CLTRN: variants seen among roughly 807,000 people sequenced by gnomAD.
CLTRN encodes the protein collectrin, amino acid transport regulator.
CLTRN carries 12 observed loss-of-function variants against 14.5 expected under a neutral mutation model. That is an observed-to-expected ratio of 0.83 (90% confidence interval 0.53 to 1.34). The LOEUF is 1.34. Among genes scored for constraint, CLTRN ranks in the 40% most tolerant of loss-of-function variants. The pLI, the probability that CLTRN is intolerant of heterozygous loss-of-function variation, is 0.00. For missense variants in CLTRN, 154 were observed against 165.1 expected (o/e 0.93, Z 0.37); for synonymous variants, 58 against 56.5 (o/e 1.03, Z -0.12).
chrX:15,636,719 C>T (rs939630383), intron 5 of CLTRN, among the ~76,000 whole-genome samples: 3 of 111,724 alleles, frequency 2.7e-5, no homozygotes, highest in Non-Finnish European at 3.8e-5. Flanking sequence ...ACCTCTTAAT[C>T]ATAGCAATGG....
intron 3 of CLTRN, among the ~76,000 whole-genome samples, chrX:15,650,293 C>T (rs1318965405): frequency 1.8e-5 from 2 of 109,653 alleles, no homozygotes; most frequent in Non-Finnish European, 3.8e-5. Context: ...AAGAGCAAAG[C>T]AGTTATTTAA....
chrX:15,653,155 A>G (rs770665589), intron 3 of CLTRN, among the ~76,000 whole-genome samples: 22 of 111,302 alleles, frequency 2.0e-4, no homozygotes, highest in African/African-American at 7.2e-4. Flanking sequence ...TTTTAAGGAA[A>G]AAAGCTGAGC....
chrX:15,648,835 A>T (rs1051965889), intron 3 of CLTRN, among the ~76,000 whole-genome samples: 1 of 111,525 alleles, frequency 9.0e-6, no homozygotes, highest in Non-Finnish European at 1.9e-5. Flanking sequence ...AAATCTCAAA[A>T]ATACACCATC....
rs181706734 is a variant in CLTRN at position 15,652,880 on chromosome X, G to A, written c.203+6136C>T. Among the ~76,000 whole-genome samples the A allele has an allele frequency of 3.9e-3, 431 of 111,386 alleles. 3 individuals are homozygous for A. The highest frequency in any genetic ancestry group is 6.8e-3 in the Non-Finnish European group (360 of 53,026). On this transcript the variant is annotated intron_variant, in intron 3 of 5. Coordinates refer to ENST00000380342, the MANE Select transcript of CLTRN (RefSeq NM_020665.6). Reference sequence around the variant, plus strand: ...GCAGATCACCTGAGGTCAGGAGTTCGAGACAGCCTGGCCAACATGGTGAAA... The same window carrying A: ...GCAGATCACCTGAGGTCAGGAGTTCAAGACAGCCTGGCCAACATGGTGAAA...
intron 5 of CLTRN, among the ~76,000 whole-genome samples, chrX:15,633,355 G>A (rs1235456844): frequency 2.7e-5 from 3 of 111,948 alleles, no homozygotes; most frequent in Admixed American, 9.4e-5. Context: ...CCACGACTAC[G>A]TGCCTCATCT....
upstream of CLTRN, among the ~76,000 whole-genome samples, chrX:15,667,979 AG>A (rs1929653197): frequency 8.9e-6 from 1 of 112,488 alleles, no homozygotes. Flanking sequence ...AGTCAGTGTA[AG>A]CCATTCATCT....
At chrX:15,654,814 T>A (rs760844156) in intron 3 of CLTRN, among the ~76,000 whole-genome samples, 45 of 112,356 alleles carry the variant, frequency 4.0e-4, no homozygotes, top group Non-Finnish European at 7.3e-4. Flanking sequence ...CGAATCTCAG[T>A]GCTCAGCACG....
chrX:15,635,418 T>G (rs373699846), intron 5 of CLTRN, among the ~76,000 whole-genome samples: 2 of 112,187 alleles, frequency 1.8e-5, no homozygotes, highest in South Asian at 7.3e-4. Context: ...AGCATGGTAG[T>G]GGCATCAAAA....
At chrX:15,640,133 TA>T (rs748879209) in intron 4 of CLTRN, among the ~76,000 whole-genome samples, 32 of 111,771 alleles carry the variant, frequency 2.9e-4, no homozygotes, top group African/African-American at 8.8e-4. Flanking sequence ...AAAACAGAGC[TA>T]GGGGGTGGCG....
In CLTRN at chrX:15,627,899, G is replaced by T; in HGVS notation, c.*72C>A. ...GAAACAAAATATATGATCTGCTCTT[G>T]GTATTTCAGGATGCTCAGCAGTCAC... On this transcript the variant is annotated 3_prime_UTR_variant, in exon 6 of 6. Transcript: ENST00000380342. 1 of 819,913 alleles carries T rather than the reference G, an allele frequency of 1.2e-6. No homozygotes were observed. Among genetic ancestry groups the T allele is most frequent in the Non-Finnish European group, 1.6e-6 (1 of 621,636 alleles). The allele number at this position is 819,913 out of a possible 1,213,427, so 67.6% of individuals were successfully genotyped here. A position where few individuals can be genotyped will look rare whatever the true frequency, so the allele number is the denominator to read the frequency against.
rs139290200 is a variant in CLTRN at position 15,663,660 on chromosome X, A to G, written c.117+677T>C. 4.7e-4 allele frequency among the ~76,000 whole-genome samples: 53 copies of G among 111,886 alleles called. 1 individual carries two copies. The highest frequency in any genetic ancestry group is 2.5e-3 in the Admixed American group (26 of 10,548). On this transcript the variant is annotated intron_variant, in intron 2 of 5. Coordinates refer to ENST00000380342, the MANE Select transcript of CLTRN (RefSeq NM_020665.6). ...CAGAATACCTCTAAGTTTCTTTAGC[A>G]CTCTTTTTTCTGTTTCTATGCCTAA... is the stretch of plus-strand genomic sequence containing the variant.
chrX:15,660,109 A>G (rs1457153484), intron 2 of CLTRN, among the ~76,000 whole-genome samples: 1 of 111,114 alleles, frequency 9.0e-6, no homozygotes, highest in Non-Finnish European at 1.9e-5. Context: ...TCACAAGGAC[A>G]TTGTCAGGAT....
chrX:15,669,740 G>A (rs756040041), upstream of CLTRN, among the ~76,000 whole-genome samples: 1 of 111,944 alleles, frequency 8.9e-6, no homozygotes, highest in Admixed American at 9.5e-5. Flanking sequence ...AGCAAGAGGT[G>A]GAGATGACCA....
upstream of CLTRN, among the ~76,000 whole-genome samples, chrX:15,665,188 G>A (rs980225786): frequency 9.0e-6 from 1 of 111,216 alleles, no homozygotes; most frequent in African/African-American, 3.3e-5. Flanking sequence ...TCTTAGATAG[G>A]CTATCTTCAT....
intron 4 of CLTRN, among the ~76,000 whole-genome samples, chrX:15,640,669 C>T (rs1254549665): frequency 2.7e-5 from 3 of 112,515 alleles, no homozygotes; most frequent in African/African-American, 9.7e-5. Flanking sequence ...GTAAAGAAAA[C>T]CAGAAGCAAA....
upstream of CLTRN, among the ~76,000 whole-genome samples, chrX:15,667,238 A>AAAATAAATAAATAAAT (rs200000626): frequency 1.9e-5 from 2 of 105,021 alleles, no homozygotes; most frequent in African/African-American, 7.1e-5. Context: ...CTCCATCTCA[A>AAAATAAATAAATAAAT]AAATAAATAA....
Sources: allele counts gnomAD v4.1 joint callset (sites outside exome capture counted in the v4.1 genomes callset), GRCh38; gene constraint gnomAD v4.1.1; transcripts MANE v1.5; gene names NCBI Gene and HGNC (gene_info 2026-07-23, HGNC 2026-07-21).